Variants in TRPC1 observed in about 807,000 individuals in gnomAD.
TRPC1 encodes the protein transient receptor potential cation channel subfamily C member 1, also known as short transient receptor potential channel 1.
Under a neutral mutation model 88.2 loss-of-function variants are expected in TRPC1, and 42 were observed. The ratio of observed to expected loss-of-function variants is 0.48; its 90% confidence interval spans 0.37 to 0.62. The LOEUF (loss-of-function observed/expected upper bound fraction) is 0.62, where lower values mean the gene tolerates loss of function less well. TRPC1 is among the 20% of genes least tolerant of loss of function. The probability of loss-of-function intolerance (pLI) is 0.00; values close to 1 mark genes in which losing one functional copy is unlikely to be tolerated. For missense variants in TRPC1, 699 were observed against 957.3 expected (o/e 0.73, Z 3.56); for synonymous variants, 288 against 331.8 (o/e 0.87, Z 1.43).
intron 9 of TRPC1, among the ~76,000 whole-genome samples, chr3:142,794,856 G>T (rs2108147801): frequency 6.6e-6 from 1 of 152,112 alleles, no homozygotes; most frequent in South Asian, 2.1e-4. Context: ...AGATGTGAAA[G>T]GATTAAATTT....
intron 3 of TRPC1, among the ~76,000 whole-genome samples, chr3:142,745,340 A>G (rs1417278360): frequency 6.6e-6 from 1 of 152,120 alleles, no homozygotes; most frequent in East Asian, 1.9e-4. Flanking sequence ...ATTCATCACC[A>G]TTATCACTAA....
At chr3:142,803,539 T>C (rs1296154402) in intron 10 of TRPC1, among the ~76,000 whole-genome samples, 1 of 151,568 alleles carries the variant, frequency 6.6e-6, no homozygotes, top group Non-Finnish European at 1.5e-5. Flanking sequence ...AAAATCCAAT[T>C]AGATATTAGC....
chr3:142,737,932 A>G (rs980113551), intron 2 of TRPC1, among the ~76,000 whole-genome samples: 5 of 152,228 alleles, frequency 3.3e-5, no homozygotes, highest in Admixed American at 3.3e-4. Flanking sequence ...TAAACACTTA[A>G]AGGCATAAGC....
At chr3:142,736,334 T>C (rs1268748766) in intron 1 of TRPC1, 45 bp from the exon 2 acceptor site, 2 of 1,433,394 alleles carry the variant, frequency 1.4e-6, no homozygotes, top group Non-Finnish European at 1.9e-6. Context: ...CATCCTTACT[T>C]GATATGTCAC....
In TRPC1 at chr3:142,806,100, G is replaced by A. The variant is rs1936785914; in HGVS notation, c.2247G>A (p.Lys749=). 6.2e-7 allele frequency: 1 copy of A among 1,613,816 alleles called. No homozygotes were observed. Among genetic ancestry groups the A allele is most frequent in the Non-Finnish European group, 8.5e-7 (1 of 1,179,906 alleles). ...GTTACTTGACTTCCATGAGACAGAA[G>A]ATGCAAAGTACAGATCAGGCAACTG... is the stretch of plus-strand genomic sequence containing the variant. The part of the protein sequence containing the change: ...VHRYLTSMRQ[K]MQSTDQATVE... The change falls in exon 13 of 13, where the codon AAG becomes AAA. Residue 749 remains lysine (K), a synonymous_variant. Transcript: ENST00000476941.
intron 3 of TRPC1, among the ~76,000 whole-genome samples, chr3:142,744,974 G>A (rs184474792): frequency 2.0e-5 from 3 of 152,292 alleles, no homozygotes; most frequent in Admixed American, 6.5e-5. Context: ...TTGACTCTCT[G>A]CCATGTTTGA....
intron 9 of TRPC1, among the ~76,000 whole-genome samples, chr3:142,798,069 C>T (rs1193194429): frequency 6.6e-6 from 1 of 152,026 alleles, no homozygotes; most frequent in African/African-American, 2.4e-5. Context: ...GCTGCAGAAT[C>T]ACCTGGGGAG....
chr3:142,728,161 G>A (rs1933755884), intron 1 of TRPC1, among the ~76,000 whole-genome samples: 1 of 152,070 alleles, frequency 6.6e-6, no homozygotes, highest in African/African-American at 2.4e-5. Context: ...AATCTGATGT[G>A]CGGTAAATGA....
chr3:142,729,738 A>G (rs1273876906), intron 1 of TRPC1, among the ~76,000 whole-genome samples: 2 of 152,186 alleles, frequency 1.3e-5, no homozygotes, highest in Non-Finnish European at 2.9e-5. Flanking sequence ...TCCAAATTTA[A>G]TGATACTGAG....
Position 142,743,469 on chromosome 3 carries a change from T to C in TRPC1, c.328-16T>C. The C allele has an allele frequency of 8.4e-7, 1 of 1,195,440 alleles. No individual in the cohort carries two copies. Among genetic ancestry groups the C allele is most frequent in the Non-Finnish European group, 1.1e-6 (1 of 906,036 alleles). 74.1% of individuals were successfully genotyped at this position (1,195,440 alleles called of 1,614,324 possible). A position where few individuals can be genotyped will look rare whatever the true frequency, so the allele number is the denominator to read the frequency against. ...TTATCTTCCATTTTCATTTTTAACT[T>C]TTTTTTTTTTTGAAGTCTGCAGATG... is the stretch of plus-strand genomic sequence containing the variant. On this transcript the variant is annotated splice_polypyrimidine_tract_variant and intron_variant, in intron 2 of 12. Coordinates refer to ENST00000476941, the MANE Select transcript of TRPC1 (RefSeq NM_001251845.2).
intron 9 of TRPC1, among the ~76,000 whole-genome samples, chr3:142,794,994 A>G (rs1936408740): frequency 6.6e-6 from 1 of 152,124 alleles, no homozygotes; most frequent in Non-Finnish European, 1.5e-5. Context: ...TTTAAAGTTT[A>G]GTAGAGACAT....
At chr3:142,790,997 A>AT in intron 7 of TRPC1, 22 bp from the exon 8 acceptor site, 7 of 1,538,698 alleles carry the variant, frequency 4.5e-6, no homozygotes, top group East Asian at 2.4e-5. Context: ...GTGTTATCTG[A>AT]TTTTTTTCTT....
At chr3:142,789,914 G>A (rs541205916) in intron 7 of TRPC1, among the ~76,000 whole-genome samples, 25 of 152,264 alleles carry the variant, frequency 1.6e-4, no homozygotes, top group African/African-American at 4.1e-4. Context: ...TCTTACCCTT[G>A]AAGAGCTTAC....
chr3:142,753,796 C>T (rs916610312), intron 4 of TRPC1, among the ~76,000 whole-genome samples: 5 of 150,254 alleles, frequency 3.3e-5, no homozygotes, highest in Non-Finnish European at 5.9e-5. Context: ...AATATACTGG[C>T]AGTAAGAAAG....
chr3:142,745,772 G>T (rs1240804917), intron 3 of TRPC1, among the ~76,000 whole-genome samples: 1 of 151,822 alleles, frequency 6.6e-6, no homozygotes, highest in African/African-American at 2.4e-5. Flanking sequence ...ATTTTTTTGA[G>T]ACTTAGTTTC....
rs1304253826 is a variant in TRPC1, at chr3:142,776,826, CA to C, written c.633-805del. On this transcript the variant is annotated intron_variant, in intron 4 of 12. Transcript: ENST00000476941. This position sits in a 1 kb window ranked among gnomAD's most constrained non-coding sequence, Gnocchi z 4.1. ...GCTGAGGCAGGAGAATCACTTGAACCAGGGAGTCGGAGGTTGCGGTGAGCCG... is the reference window on the plus strand; with the variant it reads ...GCTGAGGCAGGAGAATCACTTGAACCGGGAGTCGGAGGTTGCGGTGAGCCG... Among the ~76,000 whole-genome samples, 1 of 151,524 alleles carries C rather than the reference CA, an allele frequency of 6.6e-6. No homozygotes were observed. Among genetic ancestry groups the C allele is most frequent in the East Asian group, 1.9e-4 (1 of 5,138 alleles).
At chr3:142,736,348 TATTAA>T (rs764705623) in intron 1 of TRPC1, 26 bp from the exon 2 acceptor site, 7 of 1,503,070 alleles carry the variant, frequency 4.7e-6, no homozygotes, top group African/African-American at 4.2e-5. Flanking sequence ...ATGTCACGGA[TATTAA>T]ATTATGTTTG....
At position 142,777,863 on chromosome 3, in the gene TRPC1, C is replaced by T; in HGVS notation, c.764+100C>T. ...TAATTTGTATATATTTACATTTGAT[C>T]CAAGAACACTACACCTTGTTGCCAC... On this transcript the variant is annotated intron_variant, in intron 5 of 12. Coordinates refer to ENST00000476941, the MANE Select transcript of TRPC1 (RefSeq NM_001251845.2). 2.3e-6 allele frequency: 3 copies of T among 1,283,668 alleles called. No individual in the cohort carries two copies. In the South Asian group the frequency reaches 5.2e-5, roughly 22 times the overall value. The allele number at this position is 1,283,668 out of a possible 1,614,324, so 79.5% of individuals were successfully genotyped here. A position where few individuals can be genotyped will look rare whatever the true frequency, so the allele number is the denominator to read the frequency against.
rs868788798 is a variant in TRPC1, at chr3:142,763,983, T to C, written c.633-13649T>C. On this transcript the variant is annotated intron_variant, in intron 4 of 12. Coordinates refer to ENST00000476941, the MANE Select transcript of TRPC1 (RefSeq NM_001251845.2). Reference sequence around the variant, plus strand: ...AAATATATATATATATATATATATATACACATACATACATACATATATATA... The same window carrying C: ...AAATATATATATATATATATATATACACACATACATACATACATATATATA... 9.3e-4 allele frequency among the ~76,000 whole-genome samples: 69 copies of C among 74,326 alleles called. 2 individuals are homozygous for C. The highest frequency in any genetic ancestry group is 1.7e-3 in the South Asian group (5 of 2,902). The allele number at this position is 74,326 out of a possible 152,430, so 48.8% of individuals were successfully genotyped here. A position where few individuals can be genotyped will look rare whatever the true frequency, so the allele number is the denominator to read the frequency against.
Sources: allele counts gnomAD v4.1 joint callset (sites outside exome capture counted in the v4.1 genomes callset), GRCh38; gene constraint gnomAD v4.1.1; non-coding constraint Gnocchi (gnomAD v3.1); transcripts MANE v1.5; gene names NCBI Gene and HGNC (gene_info 2026-07-23, HGNC 2026-07-21).